The following FRAS1 variants were observed in gnomAD, a reference collection of about 807,000 sequenced individuals.
FRAS1 encodes the protein Fraser extracellular matrix complex subunit 1.
Under a neutral mutation model 435.2 loss-of-function variants are expected in FRAS1, and 290 were observed. That is an observed-to-expected ratio of 0.67 (90% CI 0.61 to 0.73). The LOEUF (loss-of-function observed/expected upper bound fraction) is 0.73. Among genes scored for constraint, FRAS1 ranks in the 30% least tolerant of loss-of-function variants. The pLI is 0.00. For synonymous variants in FRAS1, 1,800 were observed against 1,851.0 expected, an observed-to-expected ratio of 0.97 and a Z score of 0.71; for missense variants, 4,860 against 5,001.5, an observed-to-expected ratio of 0.97 and a Z score of 0.85.
chr4:78,354,756 G>T (rs1730785257), intron 20 of FRAS1, among the ~76,000 whole-genome samples: 1 of 152,176 alleles, frequency 6.6e-6, no homozygotes, highest in African/African-American at 2.4e-5. Context: ...GTCTAAATTT[G>T]TCTTTATAGG....
chr4:78,271,774 T>G (rs540592799), intron 9 of FRAS1, among the ~76,000 whole-genome samples: 1 of 152,212 alleles, frequency 6.6e-6, no homozygotes, highest in Non-Finnish European at 1.5e-5. Context: ...GCAATAAACA[T>G]ACGTGTGCAT....
At chr4:78,071,399 T>C (rs1740342341) in intron 2 of FRAS1, 1 of 152,220 alleles carries the variant, frequency 6.6e-6, no homozygotes, top group Non-Finnish European at 1.5e-5. Context: ...ATTCAGGTGG[T>C]AACAAGATGT....
chr4:78,361,938 T>A (rs426324), intron 20 of FRAS1, among the ~76,000 whole-genome samples: 94,115 of 151,406 alleles, frequency 0.62, 29,804 homozygotes, highest in Non-Finnish European at 0.67. Flanking sequence ...TGCCTTTGGG[T>A]TAAAGGATGA....
At chr4:78,514,920 T>C (rs1053095073) in intron 65 of FRAS1, among the ~76,000 whole-genome samples, 1 of 151,758 alleles carries the variant, frequency 6.6e-6, no homozygotes, top group African/African-American at 2.4e-5. Flanking sequence ...CATAAAAAAT[T>C]AGCCAGGTGT....
At position 78,265,089 on chromosome 4, in the gene FRAS1, C is replaced by T; in HGVS notation, c.668C>T (p.Ala223Val). ...CPQCSARSCSAAGQVYEHGEQ... is the reference protein window; with the variant it reads ...CPQCSARSCSVAGQVYEHGEQ... ...CAGTGCTCTGCAAGATCCTGCTCTG[C>T]AGCTGGCCAAGTATACGAGGTAAGC... Residue 223 changes from alanine (A) to valine (V), a missense_variant, in exon 7 of 74, where the codon GCA (alanine) becomes GTA (valine). Ala to Val is a moderately conservative substitution (Grantham distance 64). Transcript: ENST00000512123. The T allele has an allele frequency of 6.2e-7, 1 of 1,612,772 alleles. No individual in the cohort carries two copies. Among genetic ancestry groups the T allele is most frequent in the Non-Finnish European group, 8.5e-7 (1 of 1,179,164 alleles).
intron 9 of FRAS1, among the ~76,000 whole-genome samples, chr4:78,272,953 T>A (rs989169633): frequency 1.3e-4 from 20 of 152,362 alleles, no homozygotes; most frequent in African/African-American, 4.8e-4. Flanking sequence ...GAGCATGGAA[T>A]GTTCTTCCAT....
chr4:78,539,325 A>G lies in FRAS1; in HGVS notation c.11330A>G (p.Tyr3777Cys), dbSNP rs748316956. ...AATCAGCCAGAGGTAACTGATAAGT[A>G]CTTCCATGATGTGCCTTTTGAGGCT... ...DRNQPEVTDKYFHDVPFEAHF... is the reference protein window; with the variant it reads ...DRNQPEVTDKCFHDVPFEAHF... The change falls in exon 73 of 74, where the codon TAC becomes TGC. Residue 3777 changes from tyrosine (Y) to cysteine (C), a missense_variant. Transcript: ENST00000512123. The G allele has an allele frequency of 1.9e-6, 3 of 1,612,492 alleles. No homozygotes were observed. The highest frequency in any genetic ancestry group is 2.5e-6 in the Non-Finnish European group (3 of 1,179,464).
intron 10 of FRAS1, 37 bp downstream of exon 10, chr4:78,278,781 T>G: frequency 8.3e-7 from 1 of 1,209,256 alleles, no homozygotes; most frequent in Non-Finnish European, 1.2e-6. Flanking sequence ...TGATTTCAAA[T>G]TAATTCAAAA....
chr4:78,457,035 GTGCT>G (rs756065657), intron 47 of FRAS1, among the ~76,000 whole-genome samples: 62 of 152,082 alleles, frequency 4.1e-4, no homozygotes, highest in Non-Finnish European at 6.2e-4. Context: ...GGCCTACCTC[GTGCT>G]GGATGCCCCT....
chr4:78,078,586 T>C (rs867947602), intron 2 of FRAS1, among the ~76,000 whole-genome samples: 129 of 152,204 alleles, frequency 8.5e-4, no homozygotes, highest in African/African-American at 2.8e-3. Context: ...AAGTACAGGT[T>C]TTCAAAGATT....
chr4:78,114,629 TG>T (rs1408742806), intron 2 of FRAS1, among the ~76,000 whole-genome samples: 4 of 134,358 alleles, frequency 3.0e-5, no homozygotes, highest in African/African-American at 1.1e-4. Context: ...GCTCTCTGTT[TG>T]TCTGTTATTG....
chr4:78,145,913 C>G (rs1169983869), intron 2 of FRAS1, among the ~76,000 whole-genome samples: 1 of 152,140 alleles, frequency 6.6e-6, no homozygotes, highest in African/African-American at 2.4e-5. Flanking sequence ...TTTTCCCCTG[C>G]TGGTGCTCGT....
chr4:78,064,206 AAAAT>A (rs1020590568), intron 1 of FRAS1, among the ~76,000 whole-genome samples: 12 of 150,838 alleles, frequency 8.0e-5, no homozygotes, highest in Middle Eastern at 3.5e-3. Context: ...AATAATAATA[AAAAT>A]AAATAAATAA....
chr4:78,310,323 C>T (rs1340459515), intron 15 of FRAS1, among the ~76,000 whole-genome samples: 4 of 152,144 alleles, frequency 2.6e-5, no homozygotes, highest in South Asian at 2.1e-4. Flanking sequence ...GATGGAGGAA[C>T]GGTGACCCTG....
At chr4:78,392,794 G>GA (rs201789127) in intron 29 of FRAS1, among the ~76,000 whole-genome samples, 15 of 149,736 alleles carry the variant, frequency 1.0e-4, no homozygotes, top group East Asian at 5.8e-4. Context: ...ATCATGTACA[G>GA]AAAAAAAAAT....
At chr4:78,076,323 T>G (rs1296546441) in intron 2 of FRAS1, among the ~76,000 whole-genome samples, 1 of 152,196 alleles carries the variant, frequency 6.6e-6, no homozygotes, top group East Asian at 1.9e-4. Context: ...AACCCACTCC[T>G]TTGATATTGA....
intron 20 of FRAS1, 122 bp downstream of exon 20, chr4:78,337,939 C>A (rs966653113): frequency 1.1e-6 from 1 of 924,992 alleles, no homozygotes; most frequent in Non-Finnish European, 1.7e-6. Context: ...ACATTTGTTT[C>A]ATGTCTGGAA....
At chr4:78,080,744 G>A (rs1190698665) in intron 2 of FRAS1, among the ~76,000 whole-genome samples, 3 of 152,114 alleles carry the variant, frequency 2.0e-5, no homozygotes, top group Admixed American at 6.6e-5. Context: ...TTTACCACTC[G>A]AAATTCCTTT....
chr4:78,445,786 A>G, intron 42 of FRAS1, 74 bp downstream of exon 42: 4 of 1,506,944 alleles, frequency 2.7e-6, no homozygotes, highest in Non-Finnish European at 3.6e-6. Context: ...CTTTCTTTAT[A>G]GGGACTCAAA....
Sources: gnomAD v4.1 joint callset for allele counts (sites outside exome capture counted in the v4.1 genomes callset) on GRCh38, gnomAD v4.1.1 for gene constraint, MANE v1.5 for transcripts, NCBI Gene and HGNC (gene_info 2026-07-23, HGNC 2026-07-21) for gene names.